The following TBC1D15 variants were observed in gnomAD, a reference collection of about 807,000 sequenced individuals.
The protein encoded by TBC1D15 is TBC1 domain family member 15.
TBC1D15 carries 39 observed loss-of-function variants against 95.4 expected under a neutral mutation model. That is an observed-to-expected ratio of 0.41 (90% CI 0.32 to 0.53). The LOEUF is 0.53. Ranked by LOEUF, TBC1D15 falls within the 20% of genes least tolerant of loss-of-function variation. TBC1D15 has a pLI of 0.29. For synonymous variants in TBC1D15, 258 were observed against 261.3 expected, an observed-to-expected ratio of 0.99 and a Z score of 0.12; for missense variants, 733 against 794.3, an observed-to-expected ratio of 0.92 and a Z score of 0.93.
intron 12 of TBC1D15, among the ~76,000 whole-genome samples, chr12:71,915,434 TATAGTAG>T (rs984509592): frequency 1.4e-5 from 2 of 140,076 alleles, no homozygotes; most frequent in Non-Finnish European, 3.0e-5. Flanking sequence ...TTTAAATTGC[TATAGTAG>T]ATATTCTAAA....
intron 7 of TBC1D15, 84 bp from the exon 8 acceptor site, chr12:71,895,863 A>C: frequency 7.6e-7 from 1 of 1,311,918 alleles, no homozygotes; most frequent in South Asian, 1.5e-5. Flanking sequence ...TCTGAAAAAC[A>C]GTATTTTAAA....
At position 71,923,653 on chromosome 12, in the gene TBC1D15, T is replaced by TC. The variant is rs1486202720; in HGVS notation, c.*450dup. 6.3e-6 allele frequency: 1 copy of TC among 158,516 alleles called. No homozygotes were observed. Among genetic ancestry groups the TC allele is most frequent in the Non-Finnish European group, 1.4e-5 (1 of 71,652 alleles). 9.8% of individuals were successfully genotyped at this position (158,516 alleles called of 1,614,324 possible). On this transcript the variant is annotated 3_prime_UTR_variant, in exon 17 of 17. Coordinates refer to ENST00000485960, the MANE Select transcript of TBC1D15 (RefSeq NM_001146213.3). ...AAAAATAAAAATAAAAGGATTTTTTTCTCTATTGTTTACGACAGTACTCAG... is the reference window on the plus strand; with the variant it reads ...AAAAATAAAAATAAAAGGATTTTTTTCCTCTATTGTTTACGACAGTACTCAG...
At chr12:71,888,468 T>TAA (rs201406866) in intron 5 of TBC1D15, among the ~76,000 whole-genome samples, 2,456 of 123,464 alleles carry the variant, frequency 0.02, 67 homozygotes, top group African/African-American at 0.069. Context: ...AGACTTTACC[T>TAA]AAAAAAAAAA....
chr12:71,861,912 A>T (rs931383945), intron 1 of TBC1D15, among the ~76,000 whole-genome samples: 3 of 122,838 alleles, frequency 2.4e-5, no homozygotes, highest in Non-Finnish European at 3.2e-5. Flanking sequence ...CAAGAAATTT[A>T]AAAAAATTAC....
rs780162356 is a variant in TBC1D15, at chr12:71,893,260, A to G, written c.593A>G (p.Gln198Arg). ...QDKRTLLVNC[Q>R]NKSLSQSFEN... ...AAAAGAACACTTCTTGTGAATTGTC[A>G]GAATAAGAGTCTTTCACAGTCTTTT... The change falls in exon 6 of 17, where the codon CAG becomes CGG. Residue 198 changes from glutamine to arginine, a missense_variant. Physicochemically the swap from Gln to Arg is conservative, Grantham distance 43. Transcript: ENST00000485960. 2 of 1,608,766 alleles carry G rather than the reference A, an allele frequency of 1.2e-6. No individual in the cohort carries two copies. The highest frequency in any genetic ancestry group is 1.7e-5 in the Admixed American group (1 of 59,514).
intron 16 of TBC1D15, 45 bp from the exon 17 acceptor site, chr12:71,922,938 C>T: frequency 6.4e-7 from 1 of 1,573,860 alleles, no homozygotes; most frequent in Non-Finnish European, 8.7e-7. Flanking sequence ...GGTTATTTTT[C>T]CTCTGTAGTG....
At chr12:71,847,472 G>A (rs1490151261) in intron 1 of TBC1D15, among the ~76,000 whole-genome samples, 1 of 151,990 alleles carries the variant, frequency 6.6e-6, no homozygotes, top group African/African-American at 2.4e-5. Flanking sequence ...TGAGGCGGGT[G>A]GATCACGAGG....
rs150758334 is a variant in TBC1D15, at chr12:71,874,430, G to A, written c.204+1427G>A. Among the ~76,000 whole-genome samples the A allele has an allele frequency of 3.2e-3, 491 of 152,130 alleles. 1 individual carries two copies. The highest frequency in any genetic ancestry group is 5.3e-3 in the Non-Finnish European group (362 of 68,002). On this transcript the variant is annotated intron_variant, in intron 3 of 16. Coordinates refer to ENST00000485960, the MANE Select transcript of TBC1D15 (RefSeq NM_001146213.3). ...TGGGGTATTGGTTCTATTTGATGTA[G>A]CATAGTACTTGGTGCACAGCAAATT... is the stretch of plus-strand genomic sequence containing the variant.
intron 1 of TBC1D15, among the ~76,000 whole-genome samples, chr12:71,846,189 C>T (rs1165273508): frequency 2.0e-5 from 3 of 152,180 alleles, no homozygotes; most frequent in Non-Finnish European, 4.4e-5. Context: ...TGACATAGCT[C>T]CTTTGCTAGA....
At chr12:71,892,177 C>CA (rs1349720520) in intron 5 of TBC1D15, among the ~76,000 whole-genome samples, 1 of 151,934 alleles carries the variant, frequency 6.6e-6, no homozygotes, top group African/African-American at 2.4e-5. Flanking sequence ...TCAAATGACT[C>CA]AACCTCAGCC....
intron 5 of TBC1D15, among the ~76,000 whole-genome samples, chr12:71,888,969 G>A (rs1464197798): frequency 6.6e-6 from 1 of 151,018 alleles, no homozygotes. Context: ...CCTGCCTTAA[G>A]TTGCAGCTAT....
rs142109493 is a variant in TBC1D15, at chr12:71,874,303, T to A, written c.204+1300T>A. 8.3e-3 allele frequency among the ~76,000 whole-genome samples: 1,266 copies of A among 152,310 alleles called. 13 individuals carry two copies. Among genetic ancestry groups the A allele is most frequent in the Non-Finnish European group, 0.014 (932 of 68,026 alleles). On this transcript the variant is annotated intron_variant, in intron 3 of 16. Coordinates refer to ENST00000485960, the MANE Select transcript of TBC1D15 (RefSeq NM_001146213.3). ...TTCAAACCATAACTGAAGTTGTATG[T>A]CGTTGTGGTTTTAATTTATGTTTTC... is the stretch of plus-strand genomic sequence containing the variant.
intron 11 of TBC1D15, among the ~76,000 whole-genome samples, chr12:71,911,245 C>T (rs1052709058): frequency 6.6e-6 from 1 of 152,070 alleles, no homozygotes; most frequent in African/African-American, 2.4e-5. Context: ...ACTAGAAATA[C>T]CATTTGACCC....
chr12:71,912,372 T>G (rs1902593698), intron 11 of TBC1D15, among the ~76,000 whole-genome samples: 1 of 152,124 alleles, frequency 6.6e-6, no homozygotes, highest in African/African-American at 2.4e-5. Context: ...TATGCTAAAT[T>G]GAGTAGAGCT....
intron 3 of TBC1D15, 61 bp downstream of exon 3, chr12:71,873,064 A>T (rs1893030778): frequency 1.7e-6 from 2 of 1,164,708 alleles, no homozygotes; most frequent in South Asian, 1.4e-5. Context: ...AGTATTATCC[A>T]TATATAATTC....
At chr12:71,871,314 T>G (rs1892628147) in intron 1 of TBC1D15, among the ~76,000 whole-genome samples, 1 of 152,274 alleles carries the variant, frequency 6.6e-6, no homozygotes, top group African/African-American at 2.4e-5. Context: ...AGTTAGTGAG[T>G]CATTTCTAGG....
chr12:71,869,304 C>T (rs1340717730), intron 1 of TBC1D15, among the ~76,000 whole-genome samples: 1 of 152,180 alleles, frequency 6.6e-6, no homozygotes, highest in Non-Finnish European at 1.5e-5. Context: ...GGGCAGGTCA[C>T]CTGAGGTCAG....
At position 71,923,602 on chromosome 12, in the gene TBC1D15, G is replaced by A. The variant is rs757017807; in HGVS notation, c.*398G>A. ...TTTCTATAGCATTCTAAGCTGAGAA[G>A]TAGATTGTTACCCAGTAATGAAATA... is the stretch of plus-strand genomic sequence containing the variant. On this transcript the variant is annotated 3_prime_UTR_variant, in exon 17 of 17. Coordinates refer to ENST00000485960, the MANE Select transcript of TBC1D15 (RefSeq NM_001146213.3). 2 of 162,590 alleles carry A rather than the reference G, an allele frequency of 1.2e-5. No homozygotes were observed. Among genetic ancestry groups the A allele is most frequent in the Non-Finnish European group, 2.7e-5 (2 of 74,442 alleles). The allele number at this position is 162,590 out of a possible 1,614,324, so 10.1% of individuals were successfully genotyped here. A position where few individuals can be genotyped will look rare whatever the true frequency, so the allele number is the denominator to read the frequency against.
rs1458699167 is a variant in TBC1D15, at chr12:71,893,263, A to G, written c.596A>G (p.Asn199Ser). ...DKRTLLVNCQ[N>S]KSLSQSFENL... ...AGAACACTTCTTGTGAATTGTCAGA[A>G]TAAGAGTCTTTCACAGTCTTTTGAA... The change falls in exon 6 of 17, where the codon AAT (asparagine) becomes AGT (serine). Residue 199 changes from asparagine to serine, a missense_variant. Transcript: ENST00000485960. 1 of 1,609,582 alleles carries G rather than the reference A, an allele frequency of 6.2e-7. No homozygotes were observed. Among genetic ancestry groups the G allele is most frequent in the Non-Finnish European group, 8.5e-7 (1 of 1,177,962 alleles).
Sources: allele counts gnomAD v4.1 joint callset (sites outside exome capture counted in the v4.1 genomes callset), GRCh38; gene constraint gnomAD v4.1.1; transcripts MANE v1.5; gene names NCBI Gene and HGNC (gene_info 2026-07-23, HGNC 2026-07-21).